The following PLIN1 variants were observed in gnomAD, a reference collection of about 807,000 sequenced individuals.
The protein encoded by PLIN1 is perilipin 1.
In PLIN1, 37 loss-of-function variants were observed where a neutral mutation model predicts 45.8. That is an observed-to-expected ratio of 0.81 (90% CI 0.62 to 1.06). The LOEUF (loss-of-function observed/expected upper bound fraction) is 1.06. PLIN1 is among the 50% of genes least tolerant of loss of function. The probability of loss-of-function intolerance (pLI) is 0.00; values close to 1 mark genes in which losing one functional copy is unlikely to be tolerated. For missense variants in PLIN1, 776 were observed against 716.5 expected, an observed-to-expected ratio of 1.08 and a Z score of -0.95; for synonymous variants, 340 against 309.2, an observed-to-expected ratio of 1.10 and a Z score of -1.05.
rs1163600265 is a variant in PLIN1 at position 89,677,262 on chromosome 15, C to A, written c.45+183G>T. 4.5e-6 allele frequency: 3 copies of A among 667,780 alleles called. No individual in the cohort carries two copies. In the African/African-American group the frequency reaches 5.4e-5, roughly 12 times the overall value. 41.4% of individuals were successfully genotyped at this position (667,780 alleles called of 1,614,324 possible). A position where few individuals can be genotyped will look rare whatever the true frequency, so the allele number is the denominator to read the frequency against. On this transcript the variant is annotated intron_variant, in intron 2 of 8. Transcript: ENST00000300055. ...TAATAGGCATCTTTTTTTCCCCTCC[C>A]AGATCCTCCAACTGCCCCCTACAAA...
At chr15:89,666,657 C>T (rs1408295190) in intron 8 of PLIN1, among the ~76,000 whole-genome samples, 1 of 152,142 alleles carries the variant, frequency 6.6e-6, no homozygotes, top group Non-Finnish European at 1.5e-5. Flanking sequence ...AGGTGAGCCA[C>T]TGGGATCCTG....
intron 6 of PLIN1, 81 bp downstream of exon 6, chr15:89,669,419 A>G: frequency 8.7e-7 from 1 of 1,144,252 alleles, no homozygotes; most frequent in East Asian, 2.3e-5. Context: ...GGAAGGGGTG[A>G]TGGGTGGGGG....
rs1047937951 is a variant in PLIN1 at position 89,665,176 on chromosome 15, T to G, written c.*407A>C. 1 of 245,488 alleles carries G rather than the reference T, an allele frequency of 4.1e-6. No individual in the cohort carries two copies. The highest frequency in any genetic ancestry group is 8.2e-6 in the Non-Finnish European group (1 of 121,582). 15.2% of individuals were successfully genotyped at this position (245,488 alleles called of 1,614,324 possible). On this transcript the variant is annotated 3_prime_UTR_variant, in exon 9 of 9. Coordinates refer to ENST00000300055, the MANE Select transcript of PLIN1 (RefSeq NM_002666.5). ...GTGTCAAAACCTTCTGTCTGGACCT[T>G]CAGAGTGGTGACAGGAGTTACTCAT...
chr15:89,668,575 T>C (rs1379144328), intron 6 of PLIN1, among the ~76,000 whole-genome samples: 1 of 152,238 alleles, frequency 6.6e-6, no homozygotes, highest in East Asian at 1.9e-4. Flanking sequence ...TGGTATCTCC[T>C]GAGGCACATT....
At chr15:89,673,058 C>A in intron 3 of PLIN1, 152 bp downstream of exon 3, 1 of 685,448 alleles carries the variant, frequency 1.5e-6, no homozygotes, top group Non-Finnish European at 2.6e-6. Flanking sequence ...ACCTTTATAG[C>A]CATAGATAAG....
At chr15:89,668,205 T>C (rs1218850906) in intron 6 of PLIN1, among the ~76,000 whole-genome samples, 1 of 152,224 alleles carries the variant, frequency 6.6e-6, no homozygotes, top group African/African-American at 2.4e-5. Flanking sequence ...ATAGCTCCTT[T>C]AGTTAAATAT....
rs140283798 is a variant in PLIN1, at chr15:89,664,414, G to GA, written c.*1168dup. On this transcript the variant is annotated 3_prime_UTR_variant, in exon 9 of 9. Coordinates refer to ENST00000300055, the MANE Select transcript of PLIN1 (RefSeq NM_002666.5). ...TAGCATCGTTTGCAGTAGCAAAAAA[G>GA]AAAAAAAAAGGAAACAACTTAAAAG... 1.1e-4 allele frequency: 15 copies of GA among 142,174 alleles called. No homozygotes were observed. The highest frequency in any genetic ancestry group is 4.1e-4 in the East Asian group (2 of 4,868). 8.8% of individuals were successfully genotyped at this position (142,174 alleles called of 1,614,324 possible). A position where few individuals can be genotyped will look rare whatever the true frequency, so the allele number is the denominator to read the frequency against.
At chr15:89,666,188 G>A (rs1443919208) in intron 8 of PLIN1, among the ~76,000 whole-genome samples, 1 of 152,210 alleles carries the variant, frequency 6.6e-6, no homozygotes, top group Non-Finnish European at 1.5e-5. Context: ...GGATCCCCTA[G>A]GCCTTCCTGA....
In PLIN1 at chr15:89,677,467, G is replaced by A; in HGVS notation, c.23C>T (p.Thr8Ile). ...TACAGGGAGGTCTCCATCCAGCAAG[G>A]TGAGGCCTTTGTTGACTGCCATCCT... MAVNKGL[T>I]LLDGDLPEQE... The change falls in exon 2 of 9, where the codon ACC becomes ATC. Residue 8 changes from threonine (T) to isoleucine (I), a missense_variant. Transcript: ENST00000300055. The A allele has an allele frequency of 1.9e-6, 3 of 1,613,994 alleles. No individual in the cohort carries two copies. Among genetic ancestry groups the A allele is most frequent in the Non-Finnish European group, 2.5e-6 (3 of 1,179,894 alleles).
chr15:89,678,189 G>A lies in PLIN1; in HGVS notation c.-14-686C>T, dbSNP rs143761952. ...ATTACAGGCAAGAGCCACCATGCCC[G>A]GCCAAGAATAATGTTTCCTATAAGA... On this transcript the variant is annotated intron_variant, in intron 1 of 8. Coordinates refer to ENST00000300055, the MANE Select transcript of PLIN1 (RefSeq NM_002666.5). 4.4e-3 allele frequency among the ~76,000 whole-genome samples: 669 copies of A among 151,214 alleles called. 7 individuals are homozygous for A. The highest frequency in any genetic ancestry group is 0.015 in the African/African-American group (637 of 41,296).
At chr15:89,677,547 G>T in intron 1 of PLIN1, 44 bp from the exon 2 acceptor site, 1 of 1,526,404 alleles carries the variant, frequency 6.6e-7, no homozygotes, top group African/African-American at 1.4e-5. Flanking sequence ...CCTCAGGCTT[G>T]AGCTCCACTG....
Position 89,665,313 on chromosome 15 carries a change from T to C in PLIN1, c.*270A>G. 3.2e-6 allele frequency: 1 copy of C among 317,374 alleles called. No individual in the cohort carries two copies. Among genetic ancestry groups the C allele is most frequent in the East Asian group, 5.5e-5 (1 of 18,342 alleles). The allele number at this position is 317,374 out of a possible 1,614,324, so 19.7% of individuals were successfully genotyped here. ...GAAAAATCAAGTTAGGCAATTACTC[T>C]TATAGTAACAACCAAGCCATAGAAT... On this transcript the variant is annotated 3_prime_UTR_variant, in exon 9 of 9. Transcript: ENST00000300055.
Position 89,665,889 on chromosome 15 carries a change from G to C in PLIN1, c.1263C>G (p.Asn421Lys). ...CCCGGCGCTCGACCTCGGCTGGTGG[G>C]TTGTCGATGTCCCGGAATTCGCTCT... ...EPESEFRDID[N>K]PPAEVERREA... Residue 421 changes from asparagine (N) to lysine (K), a missense_variant, in exon 9 of 9, where the codon AAC becomes AAG. Asn to Lys is a moderately conservative substitution (Grantham distance 94, BLOSUM62 0). Coordinates refer to ENST00000300055, the MANE Select transcript of PLIN1 (RefSeq NM_002666.5). 6.5e-7 allele frequency: 1 copy of C among 1,532,692 alleles called. No homozygotes were observed. Among genetic ancestry groups the C allele is most frequent in the Admixed American group, 1.9e-5 (1 of 51,978 alleles). 94.9% of individuals were successfully genotyped at this position (1,532,692 alleles called of 1,614,324 possible). A position where few individuals can be genotyped will look rare whatever the true frequency, so the allele number is the denominator to read the frequency against.
chr15:89,674,352 G>A (rs963916791), intron 2 of PLIN1, among the ~76,000 whole-genome samples: 13 of 152,144 alleles, frequency 8.5e-5, no homozygotes, highest in Non-Finnish European at 1.8e-4. Flanking sequence ...CAACTCGTGG[G>A]CTCAAACAGT....
Position 89,669,664 on chromosome 15 carries a change from G to A in PLIN1, c.607C>T (p.Pro203Ser), listed in dbSNP as rs762103457. Residue 203 changes from proline (P) to serine (S), a missense_variant, in exon 6 of 9, where the codon CCT (proline) becomes TCT (serine). Physicochemically the swap from Pro to Ser is moderately conservative, Grantham distance 74. Transcript: ENST00000300055. Reference sequence around the variant, plus strand: ...GACTTCTGGGCTTGCTGGTGTCCAGGAGCAGGGGCTGGGTAGGGATTTGGG... The same window carrying A: ...GACTTCTGGGCTTGCTGGTGTCCAGAAGCAGGGGCTGGGTAGGGATTTGGG... ...PPDKEESAPA[P>S]GHQQAQKSPK... The A allele has an allele frequency of 6.2e-7, 1 of 1,613,974 alleles. No homozygotes were observed.
chr15:89,673,478 C>T (rs554061536), intron 2 of PLIN1, 64 bp from the exon 3 acceptor site: 2 of 1,383,728 alleles, frequency 1.4e-6, no homozygotes, highest in East Asian at 2.5e-5. Context: ...GGAAGCTGAC[C>T]CCGGGGTCAT....
intron 2 of PLIN1, 168 bp downstream of exon 2, chr15:89,677,277 C>T: frequency 1.4e-6 from 1 of 709,336 alleles, no homozygotes; most frequent in South Asian, 1.6e-5. Flanking sequence ...CCTCCAACTG[C>T]CCCCTACAAA....
intron 7 of PLIN1, 141 bp from the exon 8 acceptor site, chr15:89,667,322 C>T (rs1230839781): frequency 1.7e-6 from 2 of 1,170,762 alleles, no homozygotes; most frequent in East Asian, 2.4e-5. Flanking sequence ...AGCAGTGTGG[C>T]CTTGGACAGG....
Position 89,665,524 on chromosome 15 carries a change from G to A in PLIN1, c.*59C>T, listed in dbSNP as rs1289733577. ...GGCAACGCTCGCCTGGGCAGTGCGG[G>A]TTCTGTTTATTTGTTAGAGAAACCC... On this transcript the variant is annotated 3_prime_UTR_variant, in exon 9 of 9. Transcript: ENST00000300055. 2 of 1,504,120 alleles carry A rather than the reference G, an allele frequency of 1.3e-6. No individual in the cohort carries two copies. The highest frequency in any genetic ancestry group is 1.4e-5 in the African/African-American group (1 of 71,082). 93.2% of individuals were successfully genotyped at this position (1,504,120 alleles called of 1,614,324 possible).
Sources: allele counts gnomAD v4.1 joint callset (sites outside exome capture counted in the v4.1 genomes callset), GRCh38; gene constraint gnomAD v4.1.1; transcripts MANE v1.5; gene names NCBI Gene and HGNC (gene_info 2026-07-23, HGNC 2026-07-21).